The following MB21D2 variants were observed in gnomAD, a reference collection of about 807,000 sequenced individuals.
MB21D2 encodes the protein Mab-21 domain containing 2, also known as nucleotidyltransferase MB21D2.
In MB21D2, 9 loss-of-function variants were observed where a neutral mutation model predicts 33.3. The ratio of observed to expected loss-of-function variants is 0.27; its 90% confidence interval spans 0.16 to 0.47. The LOEUF (loss-of-function observed/expected upper bound fraction) is 0.47, where lower values mean the gene tolerates loss of function less well. MB21D2 is among the 20% of genes least tolerant of loss of function. MB21D2 has a pLI of 0.99. For synonymous variants in MB21D2, 241 were observed against 236.3 expected (o/e 1.02, Z -0.18); for missense variants, 540 against 624.6 (o/e 0.86, Z 1.44).
At chr3:192,838,867 C>G (rs1455546229) in intron 1 of MB21D2, among the ~76,000 whole-genome samples, 1 of 152,194 alleles carries the variant, frequency 6.6e-6, no homozygotes, top group African/African-American at 2.4e-5. Context: ...GAAGAGAGAA[C>G]CCAAGTATCC....
intron 1 of MB21D2, among the ~76,000 whole-genome samples, chr3:192,850,488 T>A (rs904313956): frequency 1.3e-5 from 2 of 152,184 alleles, no homozygotes; most frequent in Non-Finnish European, 2.9e-5. Context: ...TCATCGCATG[T>A]GTGGTGAGCC....
chr3:192,852,856 T>C (rs1007820182), intron 1 of MB21D2, among the ~76,000 whole-genome samples: 3 of 152,184 alleles, frequency 2.0e-5, no homozygotes, highest in African/African-American at 7.2e-5. Context: ...TCTGTAGCAT[T>C]CTCACTGCAT....
chr3:192,876,865 A>G (rs1713440107), intron 1 of MB21D2, among the ~76,000 whole-genome samples: 1 of 152,090 alleles, frequency 6.6e-6, no homozygotes. Context: ...CAGGGCTCCA[A>G]AGTAGGTTGG....
chr3:192,907,689 T>C lies in MB21D2; in HGVS notation c.211+9941A>G, dbSNP rs555598008. Reference sequence around the variant, plus strand: ...ATATTTATTGTCATCTATAAAGCATTGTGCAAAGATAAATTAGTATTGATC... The same window carrying C: ...ATATTTATTGTCATCTATAAAGCATCGTGCAAAGATAAATTAGTATTGATC... On this transcript the variant is annotated intron_variant, in intron 1 of 1. Coordinates refer to ENST00000392452, the MANE Select transcript of MB21D2 (RefSeq NM_178496.4). Among the ~76,000 whole-genome samples, 324 of 152,364 alleles carry C rather than the reference T, an allele frequency of 2.1e-3. 3 individuals are homozygous for C. Among genetic ancestry groups the C allele is most frequent in the African/African-American group, 7.5e-3 (312 of 41,592 alleles).
chr3:192,829,833 A>G (rs751844030), intron 1 of MB21D2, among the ~76,000 whole-genome samples: 1 of 151,970 alleles, frequency 6.6e-6, no homozygotes, highest in Non-Finnish European at 1.5e-5. Flanking sequence ...CTCAAGTGAT[A>G]CTCCCACCTC....
intron 1 of MB21D2, among the ~76,000 whole-genome samples, chr3:192,878,657 A>G (rs1177562892): frequency 6.6e-6 from 1 of 152,176 alleles, no homozygotes; most frequent in Non-Finnish European, 1.5e-5. Flanking sequence ...CATGCTAGCC[A>G]TGGGATGGGT....
At position 192,798,424 on chromosome 3, in the gene MB21D2, T is replaced by G. The variant is rs1720568240; in HGVS notation, c.1438A>C (p.Thr480Pro). ...ISVFINPDDV[T>P]RPHFRIDDKF... is the part of the protein sequence containing the mutation. ...TCATCAATTCTGAAATGGGGCCTTG[T>G]GACATCGTCAGGATTGATAAAGACA... The change falls in exon 2 of 2, where the codon ACA becomes CCA. Residue 480 changes from threonine to proline, a missense_variant. Thr to Pro is a conservative substitution (Grantham distance 38). Transcript: ENST00000392452. This position sits in a 1 kb window ranked among gnomAD's most constrained non-coding sequence, Gnocchi z 4.8. 1.2e-6 allele frequency: 2 copies of G among 1,614,234 alleles called. No homozygotes were observed. The highest frequency in any genetic ancestry group is 1.3e-5 in the African/African-American group (1 of 75,058).
intron 1 of MB21D2, among the ~76,000 whole-genome samples, chr3:192,917,074 G>A (rs527611287): frequency 6.6e-6 from 1 of 152,306 alleles, no homozygotes; most frequent in Non-Finnish European, 1.5e-5. Context: ...CGGGTTACTC[G>A]GGAACACCCA....
At chr3:192,916,891 G>C (rs1467303264) in intron 1 of MB21D2, among the ~76,000 whole-genome samples, 1 of 152,202 alleles carries the variant, frequency 6.6e-6, no homozygotes, top group African/African-American at 2.4e-5. Context: ...GCAGGGAACC[G>C]GCGCTCCTCT....
chr3:192,851,491 GT>G (rs34763701), intron 1 of MB21D2, among the ~76,000 whole-genome samples: 60 of 97,590 alleles, frequency 6.1e-4, no homozygotes, highest in South Asian at 1.7e-3. Context: ...TTTTTTGTCT[GT>G]TTTTTTTTTT....
intron 1 of MB21D2, among the ~76,000 whole-genome samples, chr3:192,857,502 G>T (rs1712943138): frequency 6.6e-6 from 1 of 152,194 alleles, no homozygotes; most frequent in South Asian, 2.1e-4. Flanking sequence ...GCCTAGAGCT[G>T]CTGGAGACTC....
At chr3:192,907,596 G>A (rs1450039243) in intron 1 of MB21D2, among the ~76,000 whole-genome samples, 1 of 152,032 alleles carries the variant, frequency 6.6e-6, no homozygotes, top group African/African-American at 2.4e-5. Flanking sequence ...TCTAGAAATG[G>A]GGATTAATAC....
intron 1 of MB21D2, among the ~76,000 whole-genome samples, chr3:192,894,262 G>A (rs1713918320): frequency 6.6e-6 from 1 of 151,642 alleles, no homozygotes; most frequent in Non-Finnish European, 1.5e-5. Context: ...AGGAGTAGCT[G>A]GGATTATAGG....
rs114142506 is a variant in MB21D2, at chr3:192,862,698, C to T, written c.211+54932G>A. Reference sequence around the variant, plus strand: ...TGGGCCCTGAATCCAATGACTCATACACTTAAGAGAAAAGGGAAAGTCGGA... The same window carrying T: ...TGGGCCCTGAATCCAATGACTCATATACTTAAGAGAAAAGGGAAAGTCGGA... On this transcript the variant is annotated intron_variant, in intron 1 of 1. Coordinates refer to ENST00000392452, the MANE Select transcript of MB21D2 (RefSeq NM_178496.4). 1.1e-3 allele frequency among the ~76,000 whole-genome samples: 171 copies of T among 152,278 alleles called. 2 individuals carry two copies. The highest frequency in any genetic ancestry group is 3.9e-3 in the African/African-American group (163 of 41,562).
At chr3:192,872,531 G>C (rs1039320181) in intron 1 of MB21D2, among the ~76,000 whole-genome samples, 12 of 150,296 alleles carry the variant, frequency 8.0e-5, no homozygotes, top group African/African-American at 2.5e-4. Context: ...AGCCGAGATC[G>C]CGCCACTGCA....
rs537532857 is a variant in MB21D2, at chr3:192,900,664, C to T, written c.211+16966G>A. On this transcript the variant is annotated intron_variant, in intron 1 of 1. Transcript: ENST00000392452. ...CCCATAGAAGACTTGTTGCACAGGCCGGGCGCGGTGGCTCACGCCTGTAAT... is the reference window on the plus strand; with the variant it reads ...CCCATAGAAGACTTGTTGCACAGGCTGGGCGCGGTGGCTCACGCCTGTAAT... Among the ~76,000 whole-genome samples, 117 of 152,074 alleles carry T rather than the reference C, an allele frequency of 7.7e-4. 2 individuals carry two copies. In the South Asian group the frequency reaches 0.013, roughly 16 times the overall value.
chr3:192,798,342 T>C lies in MB21D2; in HGVS notation c.*44A>G. ...ATAGCATCACAAACCACACGACACATTATCAGAGTTTAAGAATCAGGAAAA... is the reference window on the plus strand; with the variant it reads ...ATAGCATCACAAACCACACGACACACTATCAGAGTTTAAGAATCAGGAAAA... On this transcript the variant is annotated 3_prime_UTR_variant, in exon 2 of 2. Transcript: ENST00000392452. The surrounding 1 kb of genome is among the most constrained non-coding windows in gnomAD (Gnocchi z 4.8). The C allele has an allele frequency of 6.3e-7, 1 of 1,587,228 alleles. No homozygotes were observed. Among genetic ancestry groups the C allele is most frequent in the Non-Finnish European group, 8.6e-7 (1 of 1,162,254 alleles).
chr3:192,817,851 C>A (rs1256457143), intron 1 of MB21D2, among the ~76,000 whole-genome samples: 1 of 151,262 alleles, frequency 6.6e-6, no homozygotes. Context: ...TTCCACGGTG[C>A]CCCCATCTCC....
intron 1 of MB21D2, among the ~76,000 whole-genome samples, chr3:192,853,540 C>T (rs1356409390): frequency 5.9e-5 from 9 of 152,094 alleles, no homozygotes; most frequent in East Asian, 1.9e-4. Flanking sequence ...AATGCATGCA[C>T]GCTGAATATG....
Sources: allele counts gnomAD v4.1 joint callset (sites outside exome capture counted in the v4.1 genomes callset), GRCh38; gene constraint gnomAD v4.1.1; non-coding constraint Gnocchi (gnomAD v3.1); transcripts MANE v1.5; gene names NCBI Gene and HGNC (gene_info 2026-07-23, HGNC 2026-07-21).